The following TRIOBP variants were observed in gnomAD, a reference collection of about 807,000 sequenced individuals.
TRIOBP encodes TRIO and F-actin-binding protein.
A neutral mutation model predicts 238.8 loss-of-function variants in TRIOBP; 169 were observed. The ratio of observed to expected loss-of-function variants is 0.71; its 90% CI spans 0.62 to 0.80. TRIOBP has a LOEUF of 0.80. TRIOBP is among the 30% of genes least tolerant of loss of function. TRIOBP has a pLI of 0.00. For synonymous variants in TRIOBP, 1,150 were observed against 1,274.4 expected (o/e 0.90, Z 2.08); for missense variants, 2,838 against 3,122.6 (o/e 0.91, Z 2.17).
intron 15 of TRIOBP, 48 bp from the exon 16 acceptor site, chr22:37,757,565 G>A: frequency 6.5e-7 from 1 of 1,545,182 alleles, no homozygotes; most frequent in Non-Finnish European, 8.7e-7. Flanking sequence ...CTCATTGTGG[G>A]ACTGCAGGGG....
At chr22:37,754,730 G>T (rs1925819017) in intron 12 of TRIOBP, 147 bp from the exon 13 acceptor site, 3 of 765,220 alleles carry the variant, frequency 3.9e-6, no homozygotes, top group South Asian at 1.5e-5. Flanking sequence ...TACCCCTGAG[G>T]CTCAGAGAGG....
chr22:37,751,939 G>A, intron 12 of TRIOBP, 111 bp downstream of exon 12: 2 of 927,774 alleles, frequency 2.2e-6, no homozygotes, highest in Non-Finnish European at 3.4e-6. Context: ...CCTGGGGGTG[G>A]GGCTGGGAGG....
At chr22:37,737,588 G>A (rs1924732576) in intron 9 of TRIOBP, among the ~76,000 whole-genome samples, 1 of 150,812 alleles carries the variant, frequency 6.6e-6, no homozygotes, top group Non-Finnish European at 1.5e-5. Context: ...GTGAACCCGG[G>A]AGGTGGAAGT....
intron 17 of TRIOBP, among the ~76,000 whole-genome samples, chr22:37,764,000 TCTC>T (rs1278706849): frequency 6.6e-6 from 1 of 152,162 alleles, no homozygotes; most frequent in Non-Finnish European, 1.5e-5. Flanking sequence ...GTCGAGTCCT[TCTC>T]CTGCCACGTC....
At chr22:37,719,717 C>T (rs781109863) in intron 6 of TRIOBP, among the ~76,000 whole-genome samples, 25 of 152,090 alleles carry the variant, frequency 1.6e-4, no homozygotes, top group Admixed American at 5.2e-4. Flanking sequence ...TCCTTCCTCA[C>T]GGGCCACTCC....
chr22:37,746,290 CGCGGCGGCGGGCGGCCGAGAGGGGCG>C (rs1925254657), intron 11 of TRIOBP: 4 of 1,084,662 alleles, frequency 3.7e-6, no homozygotes, highest in South Asian at 4.3e-5. Context: ...GGGCCGGAGG[CGCGGCGGCGGGCGGCCGAGAGGGGCG>C]GCGGCGGCGG....
intron 3 of TRIOBP, among the ~76,000 whole-genome samples, chr22:37,707,592 C>T (rs182385340): frequency 6.6e-6 from 1 of 152,034 alleles, no homozygotes; most frequent in East Asian, 1.9e-4. Context: ...CCATATTTGC[C>T]TCTAGCTTTA....
At chr22:37,727,142 C>G (rs568452325) in intron 7 of TRIOBP, among the ~76,000 whole-genome samples, 8 of 151,488 alleles carry the variant, frequency 5.3e-5, no homozygotes. Flanking sequence ...CTCCTGACCT[C>G]AAGTGATCCA....
chr22:37,763,712 C>T (rs1437493611), intron 17 of TRIOBP, among the ~76,000 whole-genome samples: 4 of 152,198 alleles, frequency 2.6e-5, no homozygotes, highest in African/African-American at 9.7e-5. Flanking sequence ...AGCTGCCACC[C>T]CAGGGTCCTG....
At chr22:37,726,525 G>T (rs202229157) in intron 7 of TRIOBP, 22 bp downstream of exon 7, 2 of 1,453,064 alleles carry the variant, frequency 1.4e-6, no homozygotes, top group Non-Finnish European at 1.8e-6. Flanking sequence ...GGTGGGGTCA[G>T]CCAGGTGGGC....
intron 22 of TRIOBP, chr22:37,772,029 G>A (rs1231958465): frequency 4.4e-6 from 2 of 459,686 alleles, no homozygotes; most frequent in Non-Finnish European, 4.1e-6. Context: ...TAGGTGCTGG[G>A]AAGACAGATG....
intron 2 of TRIOBP, among the ~76,000 whole-genome samples, chr22:37,699,682 C>T (rs1025273347): frequency 1.3e-5 from 2 of 151,988 alleles, no homozygotes; most frequent in Non-Finnish European, 2.9e-5. Flanking sequence ...ACTGGGACTA[C>T]AGGTGCATAC....
chr22:37,750,731 G>C, intron 11 of TRIOBP: 3 of 471,106 alleles, frequency 6.4e-6, no homozygotes, highest in Non-Finnish European at 8.8e-6. Flanking sequence ...CCAAGCCCCG[G>C]TTGGTCCACT....
chr22:37,707,480 G>T (rs894549317), intron 3 of TRIOBP, among the ~76,000 whole-genome samples: 6 of 152,044 alleles, frequency 3.9e-5, no homozygotes, highest in Admixed American at 3.3e-4. Context: ...TTCCCTGGCT[G>T]ACTCTGTCTG....
In TRIOBP at chr22:37,716,290, TTAGTAGACA is replaced by T. The variant is rs1923515345; in HGVS notation, c.628+358_628+366del. ...CCATGCCCAGCTAATTTTTGTCTTT[TTAGTAGACA>T]TGGGGTTTCACCATGTTAGCCCAGC... On this transcript the variant is annotated intron_variant, in intron 6 of 23. Coordinates refer to ENST00000644935, the MANE Select transcript of TRIOBP (RefSeq NM_001039141.3). 2.6e-5 allele frequency among the ~76,000 whole-genome samples: 4 copies of T among 152,018 alleles called. No individual in the cohort carries two copies. The South Asian group carries it at 8.3e-4, about 32-fold the overall frequency.
intron 2 of TRIOBP, among the ~76,000 whole-genome samples, chr22:37,698,958 T>C (rs1272123575): frequency 6.6e-6 from 1 of 152,064 alleles, no homozygotes; most frequent in African/African-American, 2.4e-5. Flanking sequence ...CTGGCCAACA[T>C]GGCGAAACCC....
Position 37,713,421 on chromosome 22 carries a change from G to A in TRIOBP, c.456+10G>A, listed in dbSNP as rs774259336. The A allele has an allele frequency of 3.7e-6, 6 of 1,611,614 alleles. No individual in the cohort carries two copies. The highest frequency in any genetic ancestry group is 5.1e-6 in the Non-Finnish European group (6 of 1,179,970). On this transcript the variant is annotated intron_variant, in intron 5 of 23. Transcript: ENST00000644935. ...CAACTCGTCCTCTGTGGTGAGCCAG[G>A]AGTGGGAGTTTGGGGGACAAGAGTG... is the stretch of plus-strand genomic sequence containing the variant.
In TRIOBP at chr22:37,757,978, A is replaced by T; in HGVS notation, c.6053A>T (p.Gln2018Leu). 1.9e-6 allele frequency: 3 copies of T among 1,584,268 alleles called. No individual in the cohort carries two copies. The highest frequency in any genetic ancestry group is 2.6e-6 in the Non-Finnish European group (3 of 1,166,032). ...RGLGAPLTED[Q>L]QNRLSEEIEK... Reference sequence around the variant, plus strand: ...CTGGGTGCCCCCCTGACTGAGGACCAGCAAAACCGGCTTAGTGAGGAGATC... The same window carrying T: ...CTGGGTGCCCCCCTGACTGAGGACCTGCAAAACCGGCTTAGTGAGGAGATC... The change falls in exon 16 of 24, where the codon CAG becomes CTG. Residue 2018 changes from glutamine (Q) to leucine (L), a missense_variant. Coordinates refer to ENST00000644935, the MANE Select transcript of TRIOBP (RefSeq NM_001039141.3).
At chr22:37,708,649 T>C (rs1029232682) in intron 3 of TRIOBP, among the ~76,000 whole-genome samples, 1 of 152,220 alleles carries the variant, frequency 6.6e-6, no homozygotes, top group African/African-American at 2.4e-5. Flanking sequence ...ATGAGGTAAC[T>C]GAGGCACAGA....
Sources: gnomAD v4.1 joint callset for allele counts (sites outside exome capture counted in the v4.1 genomes callset) on GRCh38, gnomAD v4.1.1 for gene constraint, MANE v1.5 for transcripts, NCBI Gene and HGNC (gene_info 2026-07-23, HGNC 2026-07-21) for gene names.